The following RBMS3 variants were observed in gnomAD, a reference collection of about 807,000 sequenced individuals.
RBMS3 encodes the protein RNA-binding motif, single-stranded-interacting protein 3.
In RBMS3, 27 loss-of-function variants were observed where a neutral mutation model predicts 66.8. The ratio of observed to expected loss-of-function variants is 0.40; its 90% confidence interval spans 0.30 to 0.56. The LOEUF (loss-of-function observed/expected upper bound fraction) is 0.56, where lower values mean the gene tolerates loss of function less well. RBMS3 is among the 20% of genes least tolerant of loss of function. The probability of loss-of-function intolerance (pLI) is 0.40; values close to 1 mark genes in which losing one functional copy is unlikely to be tolerated. For synonymous variants in RBMS3, 188 were observed against 183.0 expected (o/e 1.03, Z -0.22); for missense variants, 513 against 549.5 (o/e 0.93, Z 0.66).
intron 6 of RBMS3, among the ~76,000 whole-genome samples, chr3:29,849,152 T>A (rs1386979942): frequency 6.8e-6 from 1 of 146,734 alleles, no homozygotes; most frequent in African/African-American, 2.5e-5. Flanking sequence ...ACACCACTCC[T>A]CCCCCTCCAC....
Position 29,361,506 on chromosome 3 carries a change from G to A in RBMS3, c.76-73237G>A, listed in dbSNP as rs191200323. 4.7e-4 allele frequency among the ~76,000 whole-genome samples: 72 copies of A among 152,204 alleles called. 1 individual carries two copies. The highest frequency in any genetic ancestry group is 3.4e-3 in the Middle Eastern group (1 of 294). On this transcript the variant is annotated intron_variant, in intron 1 of 14. Transcript: ENST00000383767. ...TTTTTTCCTTCATTTCAACTTTGGC[G>A]AATCTGACAATTATGTGTCTTGGAG...
At chr3:29,577,210 G>A (rs1222369770) in intron 3 of RBMS3, among the ~76,000 whole-genome samples, 2 of 152,178 alleles carry the variant, frequency 1.3e-5, no homozygotes, top group African/African-American at 4.8e-5. Flanking sequence ...CTGAGAGCTA[G>A]GGCCCAGATT....
chr3:29,595,952 G>A (rs547895943), intron 4 of RBMS3, among the ~76,000 whole-genome samples: 26 of 152,292 alleles, frequency 1.7e-4, no homozygotes, highest in South Asian at 4.1e-4. Context: ...AAGGGAGAGA[G>A]CAATGAGCCA....
chr3:29,790,645 G>A (rs1361286616), intron 6 of RBMS3, among the ~76,000 whole-genome samples: 2 of 152,116 alleles, frequency 1.3e-5, no homozygotes, highest in Non-Finnish European at 2.9e-5. Flanking sequence ...CTCTGGTATT[G>A]TGACTTACTA....
At chr3:29,859,268 T>C (rs181031747) in intron 6 of RBMS3, among the ~76,000 whole-genome samples, 1 of 152,184 alleles carries the variant, frequency 6.6e-6, no homozygotes, top group Non-Finnish European at 1.5e-5. Flanking sequence ...TTTCCTAGCT[T>C]TCGGTTTTAA....
chr3:29,430,440 T>C (rs1002391107), intron 1 of RBMS3, among the ~76,000 whole-genome samples: 1 of 152,232 alleles, frequency 6.6e-6, no homozygotes, highest in Non-Finnish European at 1.5e-5. Context: ...AATTATAAAT[T>C]ACATATCTCA....
chr3:29,660,487 T>C (rs775871137), intron 4 of RBMS3, among the ~76,000 whole-genome samples: 3 of 152,188 alleles, frequency 2.0e-5, no homozygotes, highest in Non-Finnish European at 2.9e-5. Context: ...ATTCCACCAA[T>C]CTATGTCTTT....
intron 4 of RBMS3, among the ~76,000 whole-genome samples, chr3:29,691,143 T>A (rs536235488): frequency 2.6e-4 from 39 of 152,318 alleles, no homozygotes; most frequent in African/African-American, 8.9e-4. Context: ...AATATGCCAG[T>A]CATATTTTGA....
At chr3:29,613,033 A>G (rs1324365815) in intron 4 of RBMS3, among the ~76,000 whole-genome samples, 11 of 152,148 alleles carry the variant, frequency 7.2e-5, no homozygotes, top group Non-Finnish European at 1.5e-4. Context: ...CCAGGGCTGC[A>G]TTCGTGTGTG....
At chr3:29,747,873 T>A (rs560686540) in intron 5 of RBMS3, among the ~76,000 whole-genome samples, 1 of 152,326 alleles carries the variant, frequency 6.6e-6, no homozygotes, top group East Asian at 1.9e-4. Flanking sequence ...AGCAGTCATG[T>A]CTTTCAGCCT....
intron 6 of RBMS3, among the ~76,000 whole-genome samples, chr3:29,793,331 G>C (rs12631625): frequency 0.024 from 3,614 of 152,012 alleles, 75 homozygotes; most frequent in East Asian, 0.13. Flanking sequence ...TTCTGGGGAA[G>C]TTAAGACCGT....
At chr3:29,485,997 G>A (rs905807059) in intron 2 of RBMS3, among the ~76,000 whole-genome samples, 1 of 152,086 alleles carries the variant, frequency 6.6e-6, no homozygotes, top group Non-Finnish European at 1.5e-5. Flanking sequence ...CCTTCGGAGT[G>A]TATAAAATCA....
intron 1 of RBMS3, among the ~76,000 whole-genome samples, chr3:29,426,972 A>T (rs2040985951): frequency 6.6e-6 from 1 of 152,228 alleles, no homozygotes; most frequent in African/African-American, 2.4e-5. Flanking sequence ...CACTCATGAC[A>T]AGAGGTTTAA....
intron 1 of RBMS3, among the ~76,000 whole-genome samples, chr3:29,388,111 A>ATGTG (rs1475048500): frequency 2.4e-4 from 33 of 140,110 alleles, no homozygotes; most frequent in African/African-American, 8.0e-4. Flanking sequence ...ACACACACAC[A>ATGTG]TGTGTGTGTA....
chr3:29,812,545 A>G (rs2057758136), intron 6 of RBMS3, among the ~76,000 whole-genome samples: 1 of 152,210 alleles, frequency 6.6e-6, no homozygotes, highest in African/African-American at 2.4e-5. Flanking sequence ...GAGCTGACCA[A>G]CTGTTTTGGT....
chr3:29,778,178 C>G (rs1485524564), intron 6 of RBMS3, among the ~76,000 whole-genome samples: 1 of 151,852 alleles, frequency 6.6e-6, no homozygotes, highest in Non-Finnish European at 1.5e-5. Context: ...ATTTTACACT[C>G]TATATTCTTT....
At chr3:29,455,698 T>C (rs957160112) in intron 2 of RBMS3, among the ~76,000 whole-genome samples, 2 of 152,060 alleles carry the variant, frequency 1.3e-5, no homozygotes, top group African/African-American at 4.8e-5. Context: ...ACACATACTT[T>C]CTCAGGAAGG....
intron 7 of RBMS3, chr3:29,880,956 G>C: frequency 1.1e-6 from 1 of 882,550 alleles, no homozygotes; most frequent in Non-Finnish European, 1.8e-6. Context: ...GGGAGCTCAT[G>C]CTAACTCCTG....
intron 3 of RBMS3, among the ~76,000 whole-genome samples, chr3:29,567,716 A>G (rs1211946225): frequency 5.9e-5 from 9 of 152,116 alleles, no homozygotes; most frequent in Non-Finnish European, 1.3e-4. Flanking sequence ...TCCTTGAGAA[A>G]TTCTTTTTCC....
Sources: allele counts gnomAD v4.1 joint callset (sites outside exome capture counted in the v4.1 genomes callset), GRCh38; gene constraint gnomAD v4.1.1; transcripts MANE v1.5; gene names NCBI Gene and HGNC (gene_info 2026-07-23, HGNC 2026-07-21).